PTPN3: variants seen among roughly 807,000 people sequenced by gnomAD.
The protein encoded by PTPN3 is tyrosine-protein phosphatase non-receptor type 3.
Under a neutral mutation model 132.7 loss-of-function variants are expected in PTPN3, and 96 were observed. That is an observed-to-expected ratio of 0.72 (90% confidence interval 0.61 to 0.86). The LOEUF (loss-of-function observed/expected upper bound fraction) is 0.86, where lower values mean the gene tolerates loss of function less well. Among genes scored for constraint, PTPN3 ranks in the 40% least tolerant of loss-of-function variants. The probability of loss-of-function intolerance (pLI) is 0.00; values close to 1 mark genes in which losing one functional copy is unlikely to be tolerated. For synonymous variants in PTPN3, 398 were observed against 429.0 expected (o/e 0.93, Z 0.89); for missense variants, 1,125 against 1,159.6 (o/e 0.97, Z 0.43).
chr9:109,421,538 G>A (rs1842893450), intron 13 of PTPN3, among the ~76,000 whole-genome samples: 1 of 152,242 alleles, frequency 6.6e-6, no homozygotes, highest in Middle Eastern at 3.4e-3. Context: ...CGGGCCACGA[G>A]TGTGGCAACA....
At chr9:109,453,980 G>A (rs557726891) in intron 5 of PTPN3, among the ~76,000 whole-genome samples, 24 of 151,924 alleles carry the variant, frequency 1.6e-4, no homozygotes, top group Non-Finnish European at 3.1e-4. Flanking sequence ...GCACCTCTGC[G>A]CTCCAGCCAG....
rs868705211 is a variant in PTPN3, at chr9:109,468,718, A to G, written c.-17-5267T>C. On this transcript the variant is annotated intron_variant, in intron 1 of 25. Transcript: ENST00000374541. ...TACTTGGAAAATACAGCAAGAGGCA[A>G]CACCTCACTTTGTAAACAGTAGGGG... is the stretch of plus-strand genomic sequence containing the variant. Among the ~76,000 whole-genome samples the G allele has an allele frequency of 3.3e-5, 5 of 152,258 alleles. No homozygotes were observed. The South Asian group carries it at 6.2e-4, about 19-fold the overall frequency.
chr9:109,461,319 C>A (rs1014332589), intron 2 of PTPN3, among the ~76,000 whole-genome samples: 1 of 152,150 alleles, frequency 6.6e-6, no homozygotes, highest in Non-Finnish European at 1.5e-5. Flanking sequence ...TTTCAAAACA[C>A]CCAGGCAGGA....
chr9:109,528,332 A>C, the PTPN3 span, among the ~76,000 whole-genome samples: 2 of 152,380 alleles, frequency 1.3e-5, no homozygotes, highest in South Asian at 2.1e-4. Flanking sequence ...AACAATGCAA[A>C]TGTCCATTAA....
intron 12 of PTPN3, among the ~76,000 whole-genome samples, chr9:109,423,225 A>T (rs898314656): frequency 1.3e-5 from 2 of 152,206 alleles, no homozygotes; most frequent in African/African-American, 4.8e-5. Flanking sequence ...CCATTTTTTC[A>T]GGTGCTCTTC....
At chr9:109,538,184 C>A in the PTPN3 span, among the ~76,000 whole-genome samples, 1 of 152,194 alleles carries the variant, frequency 6.6e-6, no homozygotes, top group Non-Finnish European at 1.5e-5. Context: ...GTAAGCACTG[C>A]AATATTTTCA....
chr9:109,420,699 A>G, intron 13 of PTPN3, 99 bp from the exon 14 acceptor site: 2 of 1,277,140 alleles, frequency 1.6e-6, no homozygotes, highest in Non-Finnish European at 2.1e-6. Context: ...CTTTCTAAGG[A>G]TGCCTTCCTT....
At chr9:109,533,712 G>A in the PTPN3 span, 1 of 1,474,038 alleles carries the variant, frequency 6.8e-7, no homozygotes, top group African/African-American at 1.4e-5. Flanking sequence ...TTGGAATACT[G>A]TGGTCCACGC....
intron 22 of PTPN3, among the ~76,000 whole-genome samples, chr9:109,387,308 C>T (rs1245539941): frequency 1.3e-5 from 2 of 152,164 alleles, no homozygotes; most frequent in African/African-American, 2.4e-5. Context: ...AGTTCTCTGC[C>T]GAAGAGCCTC....
the PTPN3 span, among the ~76,000 whole-genome samples, chr9:109,513,461 C>T: frequency 3.3e-5 from 5 of 152,210 alleles, no homozygotes; most frequent in Non-Finnish European, 5.9e-5. Context: ...TGTTCCCCCC[C>T]AGAACACCTG....
chr9:109,427,268 C>T, intron 11 of PTPN3, 146 bp from the exon 12 acceptor site: 1 of 803,338 alleles, frequency 1.2e-6, no homozygotes, highest in Non-Finnish European at 1.9e-6. Context: ...AACCAGTGTA[C>T]CGGAATATTC....
chr9:109,505,616 C>T, the PTPN3 span, among the ~76,000 whole-genome samples: 10 of 152,110 alleles, frequency 6.6e-5, no homozygotes, highest in Non-Finnish European at 2.9e-5. Context: ...TTATTAACTT[C>T]TGTCCTATGA....
chr9:109,484,228 C>T (rs1847100700), intron 1 of PTPN3, among the ~76,000 whole-genome samples: 1 of 152,200 alleles, frequency 6.6e-6, no homozygotes, highest in Admixed American at 6.5e-5. Context: ...TCCCTCTGTC[C>T]AGACAGCTGA....
At chr9:109,437,060 T>C (rs1193579560) in intron 8 of PTPN3, 90 bp from the exon 9 acceptor site, 2 of 1,555,570 alleles carry the variant, frequency 1.3e-6, no homozygotes, top group African/African-American at 2.7e-5. Context: ...TTGATACCAT[T>C]TCTGTAAGGT....
Position 109,433,075 on chromosome 9 carries a change from A to G in PTPN3, c.762T>C (p.Pro254=), listed in dbSNP as rs759525687. ...TAATGAGAACTGTTTGCACTTACCA[A>G]GGATAGAAACTTGTGCAAATGTATT... The part of the protein sequence containing the change: ...YRKYICTSFY[P]WVNILKISFK... The change falls in exon 10 of 26, where the codon CCT becomes CCC. Residue 254 remains proline, a splice_region_variant and synonymous_variant. Coordinates refer to ENST00000374541, the MANE Select transcript of PTPN3 (RefSeq NM_002829.4). 6 of 1,613,850 alleles carry G rather than the reference A, an allele frequency of 3.7e-6. No homozygotes were observed. The Admixed American group carries it at 1.0e-4, about 27-fold the overall frequency.
intron 10 of PTPN3, among the ~76,000 whole-genome samples, chr9:109,430,211 T>C (rs1439977964): frequency 6.6e-6 from 1 of 152,196 alleles, no homozygotes; most frequent in African/African-American, 2.4e-5. Context: ...CTGTGCCAAC[T>C]GGCAGATGCA....
At chr9:109,527,341 A>G in the PTPN3 span, among the ~76,000 whole-genome samples, 10 of 152,192 alleles carry the variant, frequency 6.6e-5, no homozygotes, top group Admixed American at 5.9e-4. Flanking sequence ...CACGCCTGTA[A>G]TCCCGGCTAC....
At chr9:109,391,870 T>TGTGGGG (rs1554777546) in intron 19 of PTPN3, among the ~76,000 whole-genome samples, 1 of 29,444 alleles carries the variant, frequency 3.4e-5, no homozygotes, top group African/African-American at 1.7e-4. Flanking sequence ...CAACTAGATG[T>TGTGGGG]GGGGGGGGGG....
chr9:109,376,555 C>T lies in PTPN3; in HGVS notation c.*3001G>A, dbSNP rs1838575894. On this transcript the variant is annotated 3_prime_UTR_variant, in exon 26 of 26. Coordinates refer to ENST00000374541, the MANE Select transcript of PTPN3 (RefSeq NM_002829.4). ...ACCAAGTGCAGGTTCTAGAGGGTGA[C>T]ACCAGCAGGGATCTCTCATCTTGAT... 6.6e-6 allele frequency: 1 copy of T among 152,166 alleles called. No individual in the cohort carries two copies. The highest frequency in any genetic ancestry group is 2.4e-5 in the African/African-American group (1 of 41,424). 9.4% of individuals were successfully genotyped at this position (152,166 alleles called of 1,614,324 possible). A position where few individuals can be genotyped will look rare whatever the true frequency, so the allele number is the denominator to read the frequency against.
Sources: gnomAD v4.1 joint callset for allele counts (sites outside exome capture counted in the v4.1 genomes callset) on GRCh38, gnomAD v4.1.1 for gene constraint, MANE v1.5 for transcripts, NCBI Gene and HGNC (gene_info 2026-07-23, HGNC 2026-07-21) for gene names.